Variants in KHDRBS2 observed in about 807,000 individuals in gnomAD.
KHDRBS2 encodes the protein KH domain-containing, RNA-binding, signal transduction-associated protein 2.
Under a neutral mutation model 44.3 loss-of-function variants are expected in KHDRBS2, and 26 were observed. The observed-to-expected ratio is 0.59, with a 90% CI of 0.43 to 0.81. KHDRBS2 has a LOEUF of 0.81. KHDRBS2 is among the 40% of genes least tolerant of loss of function. KHDRBS2 has a pLI of 0.00. For synonymous variants in KHDRBS2, 194 were observed against 151.1 expected, an observed-to-expected ratio of 1.28 and a Z score of -2.08; for missense variants, 476 against 433.1, an observed-to-expected ratio of 1.10 and a Z score of -0.88.
At chr6:62,236,109 T>C (rs1833667993) in intron 1 of KHDRBS2, among the ~76,000 whole-genome samples, 1 of 152,116 alleles carries the variant, frequency 6.6e-6, no homozygotes, top group Admixed American at 6.5e-5. Flanking sequence ...TTGCTAATTA[T>C]TTTTGACACA....
intron 4 of KHDRBS2, among the ~76,000 whole-genome samples, chr6:61,939,183 A>G (rs1303263837): frequency 6.6e-6 from 1 of 152,192 alleles, no homozygotes; most frequent in African/African-American, 2.4e-5. Context: ...TCTAATACAC[A>G]TCGATGTAAT....
intron 6 of KHDRBS2, among the ~76,000 whole-genome samples, chr6:61,885,186 A>G (rs1583325599): frequency 2.0e-5 from 3 of 152,060 alleles, no homozygotes; most frequent in Admixed American, 2.0e-4. Context: ...AATGATTTTG[A>G]TAATATTTTC....
chr6:61,728,966 C>A (rs1467246430), intron 7 of KHDRBS2, among the ~76,000 whole-genome samples: 1 of 152,134 alleles, frequency 6.6e-6, no homozygotes, highest in African/African-American at 2.4e-5. Flanking sequence ...ACCCAACAAT[C>A]CCATTATTGG....
Position 61,932,220 on chromosome 6 carries a change from A to G in KHDRBS2, c.484-30849T>C, listed in dbSNP as rs574810931. Among the ~76,000 whole-genome samples the G allele has an allele frequency of 2.6e-5, 4 of 152,308 alleles. No individual in the cohort carries two copies. In the South Asian group the frequency reaches 8.3e-4, roughly 32 times the overall value. On this transcript the variant is annotated intron_variant, in intron 4 of 8. Coordinates refer to ENST00000281156, the MANE Select transcript of KHDRBS2 (RefSeq NM_152688.4). ...GTTTAAGGGTCAACTATACATATAC[A>G]TTGTGGAATGGTTAAATCTAGCTAA...
the KHDRBS2 span, among the ~76,000 whole-genome samples, chr6:61,627,544 TAGA>T: frequency 2.6e-5 from 4 of 152,252 alleles, no homozygotes; most frequent in African/African-American, 4.8e-5. Flanking sequence ...ACTTCTGGCT[TAGA>T]AGAAGAAGGA....
chr6:61,574,707 C>A, the KHDRBS2 span, among the ~76,000 whole-genome samples: 2 of 152,042 alleles, frequency 1.3e-5, no homozygotes, highest in Non-Finnish European at 2.9e-5. Context: ...GAGTTTGGGA[C>A]CAGCCTGGCC....
At chr6:62,025,897 G>A (rs1289002393) in intron 3 of KHDRBS2, among the ~76,000 whole-genome samples, 1 of 151,872 alleles carries the variant, frequency 6.6e-6, no homozygotes, top group Non-Finnish European at 1.5e-5. Flanking sequence ...CTAAAGGCTC[G>A]ATTAAATTCA....
intron 1 of KHDRBS2, among the ~76,000 whole-genome samples, chr6:62,265,183 T>A (rs750258578): frequency 3.3e-5 from 5 of 151,966 alleles, no homozygotes; most frequent in Non-Finnish European, 7.4e-5. Context: ...GTTGTTGCAA[T>A]ATACACTAAA....
rs567426446 is a variant in KHDRBS2, at chr6:62,165,520, G to T, written c.219+11665C>A. On this transcript the variant is annotated intron_variant, in intron 2 of 8. Transcript: ENST00000281156. ...TTCTGATCTAAAAATTAGTGAATTT[G>T]TTTAAATATTTTTAAAAACTAAATC... is the stretch of plus-strand genomic sequence containing the variant. Among the ~76,000 whole-genome samples the T allele has an allele frequency of 2.0e-4, 31 of 151,610 alleles. No individual in the cohort carries two copies. In the East Asian group the frequency reaches 6.0e-3, roughly 29 times the overall value.
intron 1 of KHDRBS2, among the ~76,000 whole-genome samples, chr6:62,227,446 A>C (rs1050445584): frequency 2.6e-5 from 4 of 152,158 alleles, no homozygotes; most frequent in African/African-American, 4.8e-5. Context: ...GGTTTTCTAA[A>C]TATGTAATCA....
chr6:62,153,703 C>T (rs1477011850), intron 2 of KHDRBS2, among the ~76,000 whole-genome samples: 2 of 152,014 alleles, frequency 1.3e-5, no homozygotes, highest in African/African-American at 4.8e-5. Context: ...GTGGTAGGGA[C>T]CTAGGAGCAG....
chr6:61,718,067 A>G (rs1329287717), intron 7 of KHDRBS2, among the ~76,000 whole-genome samples: 1 of 152,080 alleles, frequency 6.6e-6, no homozygotes, highest in Non-Finnish European at 1.5e-5. Context: ...TGAGGAAAAA[A>G]ATACCTGCTT....
intron 6 of KHDRBS2, chr6:61,816,719 T>G: frequency 2.5e-6 from 1 of 396,242 alleles, no homozygotes; most frequent in Admixed American, 2.9e-5. Context: ...AAAGAATAAA[T>G]CTACTAAAAT....
intron 2 of KHDRBS2, among the ~76,000 whole-genome samples, chr6:62,076,948 C>T (rs1454920082): frequency 2.6e-5 from 4 of 151,558 alleles, no homozygotes; most frequent in Non-Finnish European, 5.9e-5. Flanking sequence ...CAGGAGGCTG[C>T]GGTGGGAGAA....
At chr6:61,645,392 A>G in the KHDRBS2 span, among the ~76,000 whole-genome samples, 2 of 152,090 alleles carry the variant, frequency 1.3e-5, no homozygotes, top group Non-Finnish European at 2.9e-5. Flanking sequence ...TGATTTAAAA[A>G]AAATCTGTAC....
chr6:62,165,409 T>G (rs560234623), intron 2 of KHDRBS2, among the ~76,000 whole-genome samples: 1 of 151,436 alleles, frequency 6.6e-6, no homozygotes, highest in South Asian at 2.1e-4. Flanking sequence ...ATAAATTATT[T>G]ATTCATATTG....
At chr6:62,046,725 T>A (rs1484116129) in intron 3 of KHDRBS2, among the ~76,000 whole-genome samples, 1 of 151,886 alleles carries the variant, frequency 6.6e-6, no homozygotes, top group Non-Finnish European at 1.5e-5. Context: ...CTCTTAAATA[T>A]TTGTAATATT....
chr6:61,970,589 G>A (rs569963744), intron 4 of KHDRBS2, among the ~76,000 whole-genome samples: 33 of 152,236 alleles, frequency 2.2e-4, no homozygotes, highest in African/African-American at 7.7e-4. Flanking sequence ...TGAACACATC[G>A]AAGAGTCCAC....
At chr6:61,901,587 A>G (rs1804053202) in intron 4 of KHDRBS2, among the ~76,000 whole-genome samples, 1 of 152,214 alleles carries the variant, frequency 6.6e-6, no homozygotes, top group South Asian at 2.1e-4. Context: ...TTCTTTTATC[A>G]AGAAAGTACT....
Sources: allele counts gnomAD v4.1 joint callset (sites outside exome capture counted in the v4.1 genomes callset), GRCh38; gene constraint gnomAD v4.1.1; transcripts MANE v1.5; gene names NCBI Gene and HGNC (gene_info 2026-07-23, HGNC 2026-07-21).